The following DIAPH3 variants were observed in gnomAD, a reference collection of about 807,000 sequenced individuals.
DIAPH3 encodes the protein protein diaphanous homolog 3.
Under a neutral mutation model 144.3 loss-of-function variants are expected in DIAPH3, and 117 were observed. The observed-to-expected ratio is 0.81, with a 90% CI of 0.70 to 0.95. The LOEUF (loss-of-function observed/expected upper bound fraction) is 0.95. Ranked by LOEUF, DIAPH3 falls within the 40% of genes least tolerant of loss-of-function variation. DIAPH3 has a pLI of 0.00. For missense variants in DIAPH3, 1,421 were observed against 1,412.7 expected (o/e 1.01, Z -0.09); for synonymous variants, 519 against 488.9 (o/e 1.06, Z -0.81).
At chr13:59,764,306 C>T (rs1021822639) in intron 27 of DIAPH3, among the ~76,000 whole-genome samples, 30 of 151,746 alleles carry the variant, frequency 2.0e-4, no homozygotes, top group African/African-American at 7.2e-4. Flanking sequence ...ACTTCGGAGT[C>T]AGACTGTCTA....
At chr13:59,766,276 A>G (rs1431298356) in intron 27 of DIAPH3, among the ~76,000 whole-genome samples, 1 of 152,114 alleles carries the variant, frequency 6.6e-6, no homozygotes. Flanking sequence ...TTCACACACT[A>G]TACTATCACT....
chr13:60,051,160 T>TA (rs2056325337), intron 4 of DIAPH3, among the ~76,000 whole-genome samples: 1 of 151,690 alleles, frequency 6.6e-6, no homozygotes. Context: ...AGATTTTCTG[T>TA]AAAGGGGAAA....
At chr13:59,807,175 T>C (rs2040241380) in intron 25 of DIAPH3, among the ~76,000 whole-genome samples, 1 of 149,814 alleles carries the variant, frequency 6.7e-6, no homozygotes, top group Non-Finnish European at 1.5e-5. Flanking sequence ...TGCTTTGTTC[T>C]TCTACATTAA....
At chr13:59,976,030 T>C (rs974636620) in intron 14 of DIAPH3, among the ~76,000 whole-genome samples, 2 of 151,946 alleles carry the variant, frequency 1.3e-5, no homozygotes, top group African/African-American at 2.4e-5. Context: ...GCTAAATCAA[T>C]TGCCTTCACA....
chr13:60,047,384 T>C (rs1298073276), intron 4 of DIAPH3, among the ~76,000 whole-genome samples: 2 of 152,014 alleles, frequency 1.3e-5, no homozygotes, highest in African/African-American at 4.8e-5. Flanking sequence ...AGACCTAAAA[T>C]AGGAAAAACA....
intron 25 of DIAPH3, among the ~76,000 whole-genome samples, chr13:59,784,421 G>A (rs539563625): frequency 2.7e-4 from 41 of 151,456 alleles, no homozygotes; most frequent in African/African-American, 9.9e-4. Context: ...TGTCACCCAG[G>A]CTGGAGTGAA....
chr13:59,735,899 C>T (rs2036126600), intron 27 of DIAPH3, among the ~76,000 whole-genome samples: 1 of 152,034 alleles, frequency 6.6e-6, no homozygotes, highest in South Asian at 2.1e-4. Flanking sequence ...CAGGCATTAA[C>T]CCTAGTCTCC....
chr13:59,738,159 T>A (rs2453867), intron 27 of DIAPH3, among the ~76,000 whole-genome samples: 93,082 of 151,890 alleles, frequency 0.61, 28,978 homozygotes, highest in East Asian at 0.7. Context: ...AGAGAGAGAA[T>A]CCATCTCAAA....
intron 17 of DIAPH3, among the ~76,000 whole-genome samples, chr13:59,947,235 C>T (rs2140417832): frequency 6.6e-6 from 1 of 152,236 alleles, no homozygotes; most frequent in Non-Finnish European, 1.5e-5. Flanking sequence ...TGAACATTCT[C>T]ATAGATTATG....
At chr13:59,771,624 A>G (rs1484112890) in intron 27 of DIAPH3, among the ~76,000 whole-genome samples, 1 of 152,136 alleles carries the variant, frequency 6.6e-6, no homozygotes, top group East Asian at 1.9e-4. Flanking sequence ...GGAATTAGAC[A>G]TGGATTCAAG....
chr13:59,924,926 T>C, intron 17 of DIAPH3, 56 bp from the exon 18 acceptor site: 1 of 1,552,102 alleles, frequency 6.4e-7, no homozygotes, highest in East Asian at 2.3e-5. Flanking sequence ...AATACAAAAG[T>C]GGAAAAAGTG....
intron 27 of DIAPH3, among the ~76,000 whole-genome samples, chr13:59,667,074 T>C (rs899676381): frequency 2.6e-5 from 4 of 152,176 alleles, no homozygotes; most frequent in Non-Finnish European, 4.4e-5. Flanking sequence ...TAATGCCCAT[T>C]TCCTTCTTCC....
At chr13:59,969,058 C>T (rs2050209843) in intron 17 of DIAPH3, among the ~76,000 whole-genome samples, 1 of 152,114 alleles carries the variant, frequency 6.6e-6, no homozygotes, top group Non-Finnish European at 1.5e-5. Flanking sequence ...GTGTTTTGCA[C>T]TACAGACCTA....
chr13:60,051,243 A>T (rs75861806), intron 4 of DIAPH3, among the ~76,000 whole-genome samples: 2,117 of 152,236 alleles, frequency 0.014, 65 homozygotes, highest in East Asian at 0.1. Context: ...ATATATATAT[A>T]TGGTAATGTT....
intron 20 of DIAPH3, among the ~76,000 whole-genome samples, chr13:59,884,216 T>C (rs1171632679): frequency 6.6e-6 from 1 of 152,168 alleles, no homozygotes; most frequent in African/African-American, 2.4e-5. Flanking sequence ...GAGAATCTAA[T>C]GCCTGGATGA....
At chr13:59,909,312 G>C (rs1052454754) in intron 20 of DIAPH3, among the ~76,000 whole-genome samples, 4 of 150,590 alleles carry the variant, frequency 2.7e-5, no homozygotes, top group Non-Finnish European at 3.0e-5. Flanking sequence ...AGACATTCCA[G>C]ACTGTCTAAC....
chr13:60,143,170 A>C lies in DIAPH3; in HGVS notation c.181-10181T>G, dbSNP rs1056165409. 1.6e-4 allele frequency among the ~76,000 whole-genome samples: 24 copies of C among 152,034 alleles called. 1 individual carries two copies. Among genetic ancestry groups the C allele is most frequent in the Admixed American group, 1.6e-3 (24 of 15,258 alleles). ...ACACTACCGCAGTCCTCTCCCTCTC[A>C]ATACCTGGCTCACCTTTCAAATGCT... On this transcript the variant is annotated intron_variant, in intron 1 of 27. Coordinates refer to ENST00000400324, the MANE Select transcript of DIAPH3 (RefSeq NM_001042517.2).
intron 17 of DIAPH3, among the ~76,000 whole-genome samples, chr13:59,966,787 A>G (rs571922421): frequency 2.6e-5 from 4 of 152,320 alleles, no homozygotes; most frequent in East Asian, 3.9e-4. Flanking sequence ...TGGAATGTCC[A>G]TCTTTGTAAT....
chr13:60,072,540 T>G (rs1175537781), intron 4 of DIAPH3, among the ~76,000 whole-genome samples: 4 of 152,204 alleles, frequency 2.6e-5, no homozygotes, highest in African/African-American at 9.7e-5. Flanking sequence ...TATATGAACA[T>G]TAAAATTTTC....
Sources: allele counts gnomAD v4.1 joint callset (sites outside exome capture counted in the v4.1 genomes callset), GRCh38; gene constraint gnomAD v4.1.1; transcripts MANE v1.5; gene names NCBI Gene and HGNC (gene_info 2026-07-23, HGNC 2026-07-21).